Variants in CAMTA1 observed in about 807,000 individuals in gnomAD.
CAMTA1 encodes calmodulin binding transcription activator 1.
Under a neutral mutation model 170.9 loss-of-function variants are expected in CAMTA1, and 27 were observed. The observed-to-expected ratio is 0.16, with a 90% CI of 0.12 to 0.22. The LOEUF (loss-of-function observed/expected upper bound fraction) is 0.22. CAMTA1 is among the 10% of genes least tolerant of loss of function. The probability of loss-of-function intolerance (pLI) is 1.00; values close to 1 mark genes in which losing one functional copy is unlikely to be tolerated. For synonymous variants in CAMTA1, 833 were observed against 891.5 expected (o/e 0.93, Z 1.17); for missense variants, 1,619 against 2,217.2 (o/e 0.73, Z 5.42).
Position 7,745,974 on chromosome 1 carries a change from T to C in CAMTA1, c.4500T>C (p.Ser1500=), listed in dbSNP as rs1439585450. Residue 1500 remains serine, a synonymous_variant, in exon 18 of 23, where the codon AGT becomes AGC. Coordinates refer to ENST00000303635, the MANE Select transcript of CAMTA1 (RefSeq NM_015215.4). ...CCGCGGATTGGTCAGAATTCCTGAG[T>C]GCATCTACCAGTGAGAAGGTAGAGA... ...PSAADWSEFL[S]ASTSEKVENE... 5 of 1,614,178 alleles carry C rather than the reference T, an allele frequency of 3.1e-6. No individual in the cohort carries two copies. The highest frequency in any genetic ancestry group is 3.4e-6 in the Non-Finnish European group (4 of 1,180,030).
chr1:7,112,727 C>T (rs1056674067), intron 4 of CAMTA1, among the ~76,000 whole-genome samples: 23 of 152,232 alleles, frequency 1.5e-4, no homozygotes, highest in East Asian at 3.8e-4. Context: ...TACAGTTACA[C>T]GCTGCTGAAT....
At chr1:6,904,767 A>G (rs1431155326) in intron 3 of CAMTA1, among the ~76,000 whole-genome samples, 3 of 55,096 alleles carry the variant, frequency 5.4e-5, no homozygotes, top group South Asian at 1.1e-3. Context: ...TTTTTTTTTA[A>G]TTTTTGGCAG....
rs6669403 is a variant in CAMTA1 at position 7,277,036 on chromosome 1, C to T, written c.438+27410C>T. ...ATATGTAAGACCTGTACCCTTAAAA[C>T]TATAACACATTGCTGACAGAAATTA... is the stretch of plus-strand genomic sequence containing the variant. On this transcript the variant is annotated intron_variant, in intron 5 of 22. Coordinates refer to ENST00000303635, the MANE Select transcript of CAMTA1 (RefSeq NM_015215.4). 1.4e-3 allele frequency among the ~76,000 whole-genome samples: 219 copies of T among 152,232 alleles called. 2 individuals carry two copies. The highest frequency in any genetic ancestry group is 5.0e-3 in the African/African-American group (208 of 41,526).
In CAMTA1 at chr1:7,467,835, G is replaced by A. The variant is rs771813028; in HGVS notation, c.444G>A (p.Leu148=). Residue 148 remains leucine (L), a synonymous_variant, in exon 6 of 23, where the codon TTG becomes TTA. Coordinates refer to ENST00000303635, the MANE Select transcript of CAMTA1 (RefSeq NM_015215.4). ...MKLKVQGVEC[L]YGCYVHSSII... ...CGTTTTTCCTCTCTCCCTAGTGCTT[G>A]TACGGCTGCTATGTCCATTCCTCCA... 1 of 1,613,490 alleles carries A rather than the reference G, an allele frequency of 6.2e-7. No homozygotes were observed. The highest frequency in any genetic ancestry group is 1.1e-5 in the South Asian group (1 of 91,056).
chr1:7,228,477 T>A (rs552104785), intron 4 of CAMTA1, among the ~76,000 whole-genome samples: 38 of 152,208 alleles, frequency 2.5e-4, no homozygotes, highest in Admixed American at 3.9e-4. Context: ...CTCACTGCGG[T>A]TCCAGCAGGG....
At chr1:7,139,731 C>A (rs1355590256) in intron 4 of CAMTA1, among the ~76,000 whole-genome samples, 1 of 152,048 alleles carries the variant, frequency 6.6e-6, no homozygotes, top group Non-Finnish European at 1.5e-5. Context: ...GTGGGCTCAG[C>A]GGATGGTTGT....
chr1:7,721,694 A>G (rs2096650801), intron 11 of CAMTA1, among the ~76,000 whole-genome samples: 1 of 152,118 alleles, frequency 6.6e-6, no homozygotes, highest in African/African-American at 2.4e-5. Flanking sequence ...TTTATTTTGT[A>G]TGTTCAGGAG....
At chr1:6,919,614 G>A (rs975846511) in intron 3 of CAMTA1, among the ~76,000 whole-genome samples, 2 of 152,202 alleles carry the variant, frequency 1.3e-5, no homozygotes, top group South Asian at 2.1e-4. Flanking sequence ...GCTGGTGGGT[G>A]TATTAGTCTG....
chr1:7,374,169 G>T (rs1349668440), intron 5 of CAMTA1, among the ~76,000 whole-genome samples: 1 of 152,240 alleles, frequency 6.6e-6, no homozygotes, highest in Non-Finnish European at 1.5e-5. Context: ...GCCCATCTCA[G>T]CACAGACAGT....
At chr1:7,416,833 G>T (rs1292974858) in intron 5 of CAMTA1, among the ~76,000 whole-genome samples, 6 of 152,206 alleles carry the variant, frequency 3.9e-5, no homozygotes, top group African/African-American at 1.4e-4. Context: ...GAGGAGAGGT[G>T]CTCTGCTTTT....
chr1:7,638,587 A>G (rs1168642591), intron 6 of CAMTA1, among the ~76,000 whole-genome samples: 2 of 151,940 alleles, frequency 1.3e-5, no homozygotes, highest in African/African-American at 4.8e-5. Flanking sequence ...GGTTGCAGTG[A>G]GCCGATATTA....
intron 3 of CAMTA1, among the ~76,000 whole-genome samples, chr1:6,940,129 G>T (rs1571894769): frequency 6.6e-6 from 1 of 152,304 alleles, no homozygotes; most frequent in East Asian, 1.9e-4. Context: ...ATTAGTCAGG[G>T]TTCTCTAGAG....
At chr1:7,062,517 G>A (rs984650758) in intron 3 of CAMTA1, among the ~76,000 whole-genome samples, 1 of 152,164 alleles carries the variant, frequency 6.6e-6, no homozygotes, top group Non-Finnish European at 1.5e-5. Context: ...TGGGCGCCGG[G>A]GAGAGGTGTG....
intron 6 of CAMTA1, among the ~76,000 whole-genome samples, chr1:7,610,598 A>G (rs1336368139): frequency 1.3e-5 from 2 of 152,138 alleles, no homozygotes; most frequent in Admixed American, 6.5e-5. Flanking sequence ...GGCCCCTCCT[A>G]TAGGCCTGTC....
Position 7,098,083 on chromosome 1 carries a change from G to T in CAMTA1, c.302+6712G>T, listed in dbSNP as rs1048466150. Among the ~76,000 whole-genome samples, 9 of 149,678 alleles carry T rather than the reference G, an allele frequency of 6.0e-5. 1 individual carries two copies. The highest frequency in any genetic ancestry group is 4.7e-4 in the Admixed American group (7 of 14,870). ...CTCAGGTATTCAGCTGGGCAGGATT[G>T]GCTGGGGTGGACGAATTGTGTGTGT... On this transcript the variant is annotated intron_variant, in intron 4 of 22. Coordinates refer to ENST00000303635, the MANE Select transcript of CAMTA1 (RefSeq NM_015215.4).
At chr1:7,548,322 T>C (rs983497565) in intron 6 of CAMTA1, among the ~76,000 whole-genome samples, 3 of 152,172 alleles carry the variant, frequency 2.0e-5, no homozygotes, top group African/African-American at 7.2e-5. Context: ...TGGGAGGGTC[T>C]GGCAAGCCTC....
intron 6 of CAMTA1, among the ~76,000 whole-genome samples, chr1:7,499,206 C>T (rs2093916466): frequency 9.1e-6 from 1 of 110,470 alleles, no homozygotes. Flanking sequence ...TGGTGTGATC[C>T]TGGTGTGCAT....
intron 3 of CAMTA1, among the ~76,000 whole-genome samples, chr1:7,048,174 T>C (rs1450174065): frequency 1.3e-5 from 2 of 152,160 alleles, no homozygotes; most frequent in African/African-American, 4.8e-5. Flanking sequence ...TTTTCTCTTT[T>C]GCTGGCTGGC....
At chr1:7,734,000 T>G (rs1222329857) in intron 12 of CAMTA1, among the ~76,000 whole-genome samples, 1 of 152,200 alleles carries the variant, frequency 6.6e-6, no homozygotes, top group Non-Finnish European at 1.5e-5. Context: ...CCAGGTGCAG[T>G]GCAGTGACAC....
Sources: gnomAD v4.1 joint callset for allele counts (sites outside exome capture counted in the v4.1 genomes callset) on GRCh38, gnomAD v4.1.1 for gene constraint, MANE v1.5 for transcripts, NCBI Gene and HGNC (gene_info 2026-07-23, HGNC 2026-07-21) for gene names.